Variants in CECR2 observed in about 807,000 individuals in gnomAD.
CECR2 encodes the protein CECR2 histone acetyl-lysine reader, also known as chromatin remodeling regulator CECR2.
A neutral mutation model predicts 154.5 loss-of-function variants in CECR2; 30 were observed. The ratio of observed to expected loss-of-function variants is 0.19; its 90% CI spans 0.15 to 0.26. The LOEUF (loss-of-function observed/expected upper bound fraction) is 0.26, where lower values mean the gene tolerates loss of function less well. Ranked by LOEUF, CECR2 falls within the 10% of genes least tolerant of loss-of-function variation. The pLI, the probability that CECR2 is intolerant of heterozygous loss-of-function variation, is 1.00. For synonymous variants in CECR2, 725 were observed against 683.7 expected, an observed-to-expected ratio of 1.06 and a Z score of -0.94; for missense variants, 1,743 against 1,829.3, an observed-to-expected ratio of 0.95 and a Z score of 0.86.
chr22:17,492,967 A>ATATTT (rs1166433161), intron 2 of CECR2, among the ~76,000 whole-genome samples: 7 of 151,788 alleles, frequency 4.6e-5, no homozygotes, highest in African/African-American at 9.7e-5. Flanking sequence ...ATTTTACTTT[A>ATATTT]TATTTTATTT....
At chr22:17,510,690 C>T (rs1016557640) in intron 7 of CECR2, among the ~76,000 whole-genome samples, 1 of 152,192 alleles carries the variant, frequency 6.6e-6, no homozygotes, top group Admixed American at 6.5e-5. Flanking sequence ...CAAGCTCCGC[C>T]TGCCAGGTTC....
chr22:17,441,213 G>T (rs1480602240), intron 1 of CECR2, among the ~76,000 whole-genome samples: 2 of 152,188 alleles, frequency 1.3e-5, no homozygotes, highest in Non-Finnish European at 2.9e-5. Flanking sequence ...CTTCTCAAAA[G>T]TGCTGGGATT....
At chr22:17,395,876 T>C (rs1366665548) in intron 1 of CECR2, among the ~76,000 whole-genome samples, 1 of 152,118 alleles carries the variant, frequency 6.6e-6, no homozygotes, top group Non-Finnish European at 1.5e-5. Flanking sequence ...TTTATTTGCA[T>C]TAATAAAAGT....
chr22:17,484,735 G>C (rs553317951), intron 2 of CECR2, among the ~76,000 whole-genome samples: 1 of 152,044 alleles, frequency 6.6e-6, no homozygotes, highest in African/African-American at 2.4e-5. Context: ...AAAATTAGCC[G>C]GGTGTATTGG....
At chr22:17,431,520 G>A (rs1465839163) in intron 1 of CECR2, among the ~76,000 whole-genome samples, 5 of 152,132 alleles carry the variant, frequency 3.3e-5, no homozygotes, top group East Asian at 1.9e-4. Context: ...CATTCCATCT[G>A]GAGCTATGGC....
At chr22:17,548,125 CCT>C (rs781815171) in intron 16 of CECR2, 21 bp from the exon 17 acceptor site, 196 of 1,419,382 alleles carry the variant, frequency 1.4e-4, no homozygotes, top group Non-Finnish European at 1.7e-4. Flanking sequence ...TATTTTTTCT[CCT>C]CTTTTTTTTT....
intron 13 of CECR2, 31 bp downstream of exon 13, chr22:17,539,150 A>AT: frequency 4.4e-6 from 7 of 1,607,410 alleles, no homozygotes; most frequent in Non-Finnish European, 5.9e-6. Flanking sequence ...TGCTAGATAC[A>AT]TATCTGTAAT....
intron 1 of CECR2, among the ~76,000 whole-genome samples, chr22:17,449,398 T>A (rs1314139957): frequency 1.3e-5 from 2 of 151,804 alleles, no homozygotes; most frequent in East Asian, 3.9e-4. Context: ...TCTTGGTAAT[T>A]GGCACCACTA....
chr22:17,451,403 C>T (rs1396637120), intron 1 of CECR2, among the ~76,000 whole-genome samples: 1 of 152,154 alleles, frequency 6.6e-6, no homozygotes, highest in Non-Finnish European at 1.5e-5. Context: ...TATATGAATA[C>T]CTACTTGTGG....
intron 8 of CECR2, among the ~76,000 whole-genome samples, chr22:17,515,001 C>T (rs1292971951): frequency 7.6e-5 from 11 of 145,400 alleles, no homozygotes; most frequent in Non-Finnish European, 1.3e-4. Flanking sequence ...CCAGCCTGGG[C>T]GACAGAGCAA....
At chr22:17,410,212 C>A (rs2054046107) in intron 1 of CECR2, among the ~76,000 whole-genome samples, 1 of 151,926 alleles carries the variant, frequency 6.6e-6, no homozygotes, top group Non-Finnish European at 1.5e-5. Flanking sequence ...CTCCTGACCT[C>A]AAGTGATCTG....
intron 1 of CECR2, among the ~76,000 whole-genome samples, chr22:17,392,723 A>G (rs1040425536): frequency 2.0e-5 from 3 of 151,934 alleles, no homozygotes; most frequent in East Asian, 3.9e-4. Flanking sequence ...TTATTTACAT[A>G]CTATACAACT....
rs769624756 is a variant in CECR2, at chr22:17,534,464, C to A, written c.1109-2639C>A. On this transcript the variant is annotated intron_variant, in intron 9 of 18. Transcript: ENST00000262608. ...ATTTTTAAGTACAAAAAGCAAAAACCATAAGGAAAGAGAGAGAACTGACAT... is the reference window on the plus strand; with the variant it reads ...ATTTTTAAGTACAAAAAGCAAAAACAATAAGGAAAGAGAGAGAACTGACAT... 3.0e-4 allele frequency among the ~76,000 whole-genome samples: 46 copies of A among 152,116 alleles called. 1 individual carries two copies. The highest frequency in any genetic ancestry group is 6.8e-3 in the Middle Eastern group (2 of 294).
intron 8 of CECR2, among the ~76,000 whole-genome samples, chr22:17,512,595 C>T (rs576486678): frequency 9.9e-4 from 149 of 151,032 alleles, no homozygotes; most frequent in Non-Finnish European, 1.7e-3. Flanking sequence ...CCCAGCTACT[C>T]GGGAGGCTGA....
rs770163402 is a variant in CECR2 at position 17,540,698 on chromosome 22, C to T, written c.1782C>T (p.Ser594=). ...CTGGGGACGATCAGAGCAGCAGCTCCACACAGCCCCCGCGGGAGGTGGGCA... is the reference window on the plus strand; with the variant it reads ...CTGGGGACGATCAGAGCAGCAGCTCTACACAGCCCCCGCGGGAGGTGGGCA... ...PSSGDDQSSS[S]TQPPREVGTS... is the part of the protein sequence containing the mutation. The change falls in exon 14 of 19, where the codon TCC becomes TCT. Residue 594 remains serine (S), a synonymous_variant. Coordinates refer to ENST00000262608, the MANE Select transcript of CECR2 (RefSeq NM_001290047.2). 2 of 1,613,726 alleles carry T rather than the reference C, an allele frequency of 1.2e-6. No individual in the cohort carries two copies. The highest frequency in any genetic ancestry group is 1.3e-5 in the African/African-American group (1 of 75,060).
At chr22:17,465,364 C>G (rs953877812) in intron 1 of CECR2, among the ~76,000 whole-genome samples, 4 of 149,912 alleles carry the variant, frequency 2.7e-5, no homozygotes, top group Admixed American at 2.7e-4. Flanking sequence ...TAGTCTCACT[C>G]TGTCTCCCAG....
chr22:17,506,771 A>G (rs1256720564), intron 7 of CECR2, among the ~76,000 whole-genome samples: 1 of 152,102 alleles, frequency 6.6e-6, no homozygotes, highest in Non-Finnish European at 1.5e-5. Context: ...CTCATGCCTC[A>G]GCCTCCCAAG....
At chr22:17,531,266 G>T (rs191381427) in intron 9 of CECR2, among the ~76,000 whole-genome samples, 53 of 140,862 alleles carry the variant, frequency 3.8e-4, no homozygotes, top group African/African-American at 1.5e-3. Context: ...TGTCAGAGGT[G>T]GGGGGCTGCA....
chr22:17,385,875 C>T (rs1396451047), intron 1 of CECR2, among the ~76,000 whole-genome samples: 2 of 152,354 alleles, frequency 1.3e-5, no homozygotes, highest in South Asian at 4.1e-4. Context: ...GGACATTTCT[C>T]ACTGGTGCTA....
Sources: allele counts gnomAD v4.1 joint callset (sites outside exome capture counted in the v4.1 genomes callset), GRCh38; gene constraint gnomAD v4.1.1; transcripts MANE v1.5; gene names NCBI Gene and HGNC (gene_info 2026-07-23, HGNC 2026-07-21).